CTNNA2: variants seen among roughly 807,000 people sequenced by gnomAD.
The protein encoded by CTNNA2 is catenin alpha-2.
CTNNA2 carries 42 observed loss-of-function variants against 101.0 expected under a neutral mutation model. The observed-to-expected ratio is 0.42, with a 90% CI of 0.32 to 0.54. CTNNA2 has a LOEUF of 0.54. CTNNA2 is among the 20% of genes least tolerant of loss of function. The pLI, the probability that CTNNA2 is intolerant of heterozygous loss-of-function variation, is 0.14. For missense variants in CTNNA2, 871 were observed against 1,223.1 expected (o/e 0.71, Z 4.29); for synonymous variants, 450 against 456.4 (o/e 0.99, Z 0.18).
At chr2:79,410,248 C>G (rs1374713491) in intron 4 of CTNNA2, among the ~76,000 whole-genome samples, 2 of 145,264 alleles carry the variant, frequency 1.4e-5, no homozygotes, top group Admixed American at 7.0e-5. Context: ...CATCTGCAAA[C>G]AGGGACAATT....
intron 1 of CTNNA2, among the ~76,000 whole-genome samples, chr2:79,648,054 T>G (rs1351637942): frequency 6.6e-6 from 1 of 152,210 alleles, no homozygotes; most frequent in Non-Finnish European, 1.5e-5. Context: ...AGGAAAATAT[T>G]CTCTTCTCAT....
intron 3 of CTNNA2, among the ~76,000 whole-genome samples, chr2:79,331,359 G>A (rs921662274): frequency 1.3e-5 from 2 of 152,154 alleles, no homozygotes; most frequent in Non-Finnish European, 2.9e-5. Context: ...GAGACAGAAA[G>A]GTCAACTTAG....
chr2:80,645,756 T>G (rs1674014336), intron 18 of CTNNA2, among the ~76,000 whole-genome samples: 1 of 152,148 alleles, frequency 6.6e-6, no homozygotes, highest in African/African-American at 2.4e-5. Flanking sequence ...TTTAGAAATT[T>G]GGGCTGTATA....
At chr2:79,607,823 CAAATT>C (rs1677996059) in intron 1 of CTNNA2, among the ~76,000 whole-genome samples, 1 of 151,976 alleles carries the variant, frequency 6.6e-6, no homozygotes, top group Non-Finnish European at 1.5e-5. Context: ...AGAAATATCT[CAAATT>C]AATTGATTCA....
intron 7 of CTNNA2, among the ~76,000 whole-genome samples, chr2:80,263,333 T>G (rs145963420): frequency 1.3e-5 from 2 of 152,328 alleles, no homozygotes; most frequent in African/African-American, 4.8e-5. Flanking sequence ...GAAGTGAATT[T>G]ATATATTTAT....
chr2:80,078,894 G>C (rs996025646), intron 7 of CTNNA2, among the ~76,000 whole-genome samples: 2 of 152,020 alleles, frequency 1.3e-5, no homozygotes, highest in African/African-American at 4.8e-5. Flanking sequence ...GGGATGACAT[G>C]GTTTCCTTTT....
At chr2:79,786,515 G>A (rs2105228149) in intron 3 of CTNNA2, among the ~76,000 whole-genome samples, 1 of 151,366 alleles carries the variant, frequency 6.6e-6, no homozygotes, top group East Asian at 2.0e-4. Context: ...TGGATGTGTT[G>A]GGGGAATAGG....
chr2:79,204,307 C>T (rs988570066), intron 2 of CTNNA2, among the ~76,000 whole-genome samples: 2 of 152,178 alleles, frequency 1.3e-5, no homozygotes, highest in African/African-American at 2.4e-5. Context: ...TCATCGGACA[C>T]CTATTTCTTT....
intron 3 of CTNNA2, among the ~76,000 whole-genome samples, chr2:79,768,330 T>C (rs986497499): frequency 6.6e-6 from 1 of 151,120 alleles, no homozygotes; most frequent in Non-Finnish European, 1.5e-5. Context: ...GTTTTAACAC[T>C]GTATGATTGA....
chr2:79,817,663 G>A (rs971051870), intron 3 of CTNNA2, among the ~76,000 whole-genome samples: 3 of 152,088 alleles, frequency 2.0e-5, no homozygotes, highest in East Asian at 1.9e-4. Context: ...GGGGTCTTGC[G>A]CCAAGGGCAA....
chr2:80,137,525 T>G (rs899551374), intron 7 of CTNNA2, among the ~76,000 whole-genome samples: 3 of 152,012 alleles, frequency 2.0e-5, no homozygotes, highest in African/African-American at 7.2e-5. Flanking sequence ...CTCCCTGGAC[T>G]AGGGAGGTAA....
chr2:79,368,682 A>G (rs926966176), intron 3 of CTNNA2, among the ~76,000 whole-genome samples: 21 of 152,122 alleles, frequency 1.4e-4, no homozygotes, highest in African/African-American at 4.8e-4. Context: ...TGGCACACAC[A>G]CAGCGCTGCC....
chr2:79,262,917 G>A (rs1460647368), intron 2 of CTNNA2, among the ~76,000 whole-genome samples: 1 of 151,982 alleles, frequency 6.6e-6, no homozygotes, highest in East Asian at 1.9e-4. Context: ...ACCATTCTAG[G>A]TGCTAGATCT....
intron 7 of CTNNA2, among the ~76,000 whole-genome samples, chr2:80,306,400 TTTTC>T (rs58501778): frequency 0.19 from 20,830 of 107,900 alleles, 1,966 homozygotes; most frequent in Non-Finnish European, 0.22. Context: ...TTTTCTTTTC[TTTTC>T]TTTCTTTCTT....
At chr2:79,196,978 C>T (rs753540314) in intron 1 of CTNNA2, among the ~76,000 whole-genome samples, 3 of 152,166 alleles carry the variant, frequency 2.0e-5, no homozygotes, top group Non-Finnish European at 2.9e-5. Flanking sequence ...TTTTCAGATT[C>T]TTTCTCATAT....
At chr2:79,859,652 G>A (rs1368799156) in intron 4 of CTNNA2, among the ~76,000 whole-genome samples, 1 of 151,756 alleles carries the variant, frequency 6.6e-6, no homozygotes, top group African/African-American at 2.4e-5. Flanking sequence ...CTCCTCCTTA[G>A]GAATGTTTCA....
chr2:80,499,712 T>A (rs1215612864), intron 9 of CTNNA2, among the ~76,000 whole-genome samples: 10 of 152,016 alleles, frequency 6.6e-5, no homozygotes, highest in Admixed American at 6.6e-4. Flanking sequence ...TCCCAGCTAC[T>A]GGGGAGACTG....
intron 12 of CTNNA2, among the ~76,000 whole-genome samples, chr2:80,557,778 A>C (rs765260472): frequency 6.6e-6 from 1 of 152,172 alleles, no homozygotes; most frequent in Non-Finnish European, 1.5e-5. Context: ...ACAATTGCTT[A>C]GTTGATTGTA....
At chr2:79,437,883 T>C (rs1678734455) in intron 4 of CTNNA2, among the ~76,000 whole-genome samples, 1 of 152,160 alleles carries the variant, frequency 6.6e-6, no homozygotes, top group Admixed American at 6.5e-5. Flanking sequence ...GAGGGGGTGG[T>C]CACGCTTTCC....
Sources: gnomAD v4.1 joint callset for allele counts (sites outside exome capture counted in the v4.1 genomes callset) on GRCh38, gnomAD v4.1.1 for gene constraint, MANE v1.5 for transcripts, NCBI Gene and HGNC (gene_info 2026-07-23, HGNC 2026-07-21) for gene names.